BLMH: variants seen among roughly 807,000 people sequenced by gnomAD.
BLMH encodes bleomycin hydrolase, also known as BLM hydrolase.
In BLMH, 32 loss-of-function variants were observed where a neutral mutation model predicts 61.6. The ratio of observed to expected loss-of-function variants is 0.52; its 90% CI spans 0.39 to 0.70. The LOEUF (loss-of-function observed/expected upper bound fraction) is 0.70, where lower values mean the gene tolerates loss of function less well. Among genes scored for constraint, BLMH ranks in the 30% least tolerant of loss-of-function variants. The probability of loss-of-function intolerance (pLI) is 0.00; values close to 1 mark genes in which losing one functional copy is unlikely to be tolerated. For missense variants in BLMH, 460 were observed against 555.5 expected (o/e 0.83, Z 1.73); for synonymous variants, 183 against 193.8 (o/e 0.94, Z 0.46).
At chr17:30,291,197 C>T in intron 2 of BLMH, 114 bp downstream of exon 2, 1 of 1,325,752 alleles carries the variant, frequency 7.5e-7, no homozygotes, top group Non-Finnish European at 1.0e-6. Flanking sequence ...TCATTCTTTA[C>T]GAATTTACGA....
At position 30,287,789 on chromosome 17, in the gene BLMH, A is replaced by T. The variant is rs756617631; in HGVS notation, c.463+17T>A. On this transcript the variant is annotated intron_variant, in intron 4 of 11. Coordinates refer to ENST00000261714, the MANE Select transcript of BLMH (RefSeq NM_000386.4). ...AATCATGCTGAGTTTCAGTTCCATT[A>T]AAGAAAGAACTTTTACCAACAATAT... 3 of 1,612,996 alleles carry T rather than the reference A, an allele frequency of 1.9e-6. No individual in the cohort carries two copies. In the Admixed American group the frequency reaches 5.0e-5, roughly 27 times the overall value.
chr17:30,251,142 C>T (rs1162015504), intron 11 of BLMH, among the ~76,000 whole-genome samples: 1 of 152,110 alleles, frequency 6.6e-6, no homozygotes, highest in African/African-American at 2.4e-5. Context: ...GTGTACACTG[C>T]TTAGGTGCTG....
In BLMH at chr17:30,255,690, A is replaced by G. The variant is rs1287655785; in HGVS notation, c.1217-6522T>C. On this transcript the variant is annotated intron_variant, in intron 11 of 11. Transcript: ENST00000261714. ...GAGGCGGGCAGATCACAAGGTCAGGAGTTCGAGACCAGCCTGGCCAGCATG... is the reference window on the plus strand; with the variant it reads ...GAGGCGGGCAGATCACAAGGTCAGGGGTTCGAGACCAGCCTGGCCAGCATG... Among the ~76,000 whole-genome samples the G allele has an allele frequency of 2.6e-5, 4 of 152,322 alleles. 1 individual carries two copies. Among genetic ancestry groups the G allele is most frequent in the African/African-American group, 4.8e-5 (2 of 41,580 alleles).
chr17:30,270,501 C>CAAA (rs5819891), intron 10 of BLMH, among the ~76,000 whole-genome samples: 1 of 72,142 alleles, frequency 1.4e-5, no homozygotes, highest in African/African-American at 4.2e-5. Context: ...GACTCCATCT[C>CAAA]AAAAAAAAAA....
intron 6 of BLMH, among the ~76,000 whole-genome samples, chr17:30,279,995 G>A (rs1486175147): frequency 6.6e-6 from 1 of 152,138 alleles, no homozygotes; most frequent in Non-Finnish European, 1.5e-5. Flanking sequence ...CCACGCCCAT[G>A]ACAGACATCA....
chr17:30,269,820 C>T (rs535756298), intron 10 of BLMH, among the ~76,000 whole-genome samples: 1 of 152,320 alleles, frequency 6.6e-6, no homozygotes, highest in East Asian at 1.9e-4. Flanking sequence ...CTCTTAAGTT[C>T]AGGGCACCTT....
intron 10 of BLMH, among the ~76,000 whole-genome samples, chr17:30,269,198 GAC>G (rs1290562756): frequency 8.2e-6 from 1 of 122,238 alleles, no homozygotes; most frequent in Non-Finnish European, 1.7e-5. Flanking sequence ...TTTTTTTTGA[GAC>G]AGAGTCTTGC....
intron 10 of BLMH, among the ~76,000 whole-genome samples, chr17:30,269,049 A>G (rs2143021489): frequency 6.6e-6 from 1 of 151,630 alleles, no homozygotes; most frequent in South Asian, 2.1e-4. Flanking sequence ...CAAAAAAAAC[A>G]AAAAAACAAC....
At chr17:30,288,134 C>G (rs1383908775) in intron 3 of BLMH, 187 bp from the exon 4 acceptor site, 2 of 517,574 alleles carry the variant, frequency 3.9e-6, no homozygotes, top group East Asian at 7.0e-5. Context: ...CTAATCTTTT[C>G]TGTATCACCC....
intron 10 of BLMH, 55 bp downstream of exon 10, chr17:30,271,216 G>A: frequency 1.6e-6 from 2 of 1,260,372 alleles, no homozygotes; most frequent in Middle Eastern, 1.9e-4. Context: ...ACAGTCTACA[G>A]GAGAATGTAG....
chr17:30,282,251 C>G (rs947371682), intron 6 of BLMH, among the ~76,000 whole-genome samples: 3 of 138,774 alleles, frequency 2.2e-5, no homozygotes, highest in African/African-American at 5.5e-5. Flanking sequence ...TGAGACAGAG[C>G]CTTGCTCTGT....
chr17:30,252,533 CAA>C (rs34594289), intron 11 of BLMH, among the ~76,000 whole-genome samples: 1,998 of 66,388 alleles, frequency 0.03, 38 homozygotes, highest in African/African-American at 0.096. Flanking sequence ...CCCATCCTCA[CAA>C]AAAAAAAAAA....
chr17:30,265,907 A>C (rs1375772345), intron 11 of BLMH, among the ~76,000 whole-genome samples: 1 of 152,244 alleles, frequency 6.6e-6, no homozygotes, highest in African/African-American at 2.4e-5. Flanking sequence ...TCAAAATTTT[A>C]CAATAATATA....
intron 6 of BLMH, among the ~76,000 whole-genome samples, chr17:30,276,688 C>A (rs1908433991): frequency 1.3e-5 from 2 of 152,220 alleles, no homozygotes; most frequent in African/African-American, 4.8e-5. Flanking sequence ...AACTCCGTGA[C>A]CTAATTCCTT....
intron 6 of BLMH, among the ~76,000 whole-genome samples, chr17:30,282,880 G>A (rs1486750743): frequency 6.6e-6 from 1 of 152,122 alleles, no homozygotes; most frequent in African/African-American, 2.4e-5. Context: ...TTATACACAG[G>A]GCCAGGTATG....
chr17:30,265,825 G>A (rs1908088695), intron 11 of BLMH, among the ~76,000 whole-genome samples: 1 of 152,018 alleles, frequency 6.6e-6, no homozygotes, highest in South Asian at 2.1e-4. Context: ...CTTTTGGTTT[G>A]GAACCCTAAA....
chr17:30,264,211 C>G (rs1908038453), intron 11 of BLMH, among the ~76,000 whole-genome samples: 1 of 152,186 alleles, frequency 6.6e-6, no homozygotes, highest in Non-Finnish European at 1.5e-5. Flanking sequence ...CACTTCAGTT[C>G]TATTTCTTAT....
rs373459302 is a variant in BLMH, at chr17:30,268,148, C to T, written c.1147-1194G>A. 7.1e-4 allele frequency among the ~76,000 whole-genome samples: 108 copies of T among 152,264 alleles called. 1 individual carries two copies. Among genetic ancestry groups the T allele is most frequent in the African/African-American group, 2.6e-3 (106 of 41,544 alleles). On this transcript the variant is annotated intron_variant, in intron 10 of 11. Coordinates refer to ENST00000261714, the MANE Select transcript of BLMH (RefSeq NM_000386.4). ...GTTTTCTATTCCTCCCACTGTAGTCCAACTTTACTTTCCTTTTAAATATCA... is the reference window on the plus strand; with the variant it reads ...GTTTTCTATTCCTCCCACTGTAGTCTAACTTTACTTTCCTTTTAAATATCA...
intron 6 of BLMH, 102 bp downstream of exon 6, chr17:30,285,286 T>C: frequency 1.3e-6 from 1 of 793,858 alleles, no homozygotes. Context: ...CAATTAAACA[T>C]TCGTTGCCAT....
Sources: gnomAD v4.1 joint callset for allele counts (sites outside exome capture counted in the v4.1 genomes callset) on GRCh38, gnomAD v4.1.1 for gene constraint, MANE v1.5 for transcripts, NCBI Gene and HGNC (gene_info 2026-07-23, HGNC 2026-07-21) for gene names.